The following CIROP variants were observed in gnomAD, a reference collection of about 807,000 sequenced individuals.
CIROP encodes ciliated left-right organizer metallopeptidase.
At chr14:23,104,735 T>C in the CIROP span, 4 of 702,708 alleles carry the variant, frequency 5.7e-6, no homozygotes, top group East Asian at 2.7e-5. Flanking sequence ...TTTGGATTCG[T>C]AGGGGTTGAG....
chr14:23,104,016 G>A, the CIROP span, among the ~76,000 whole-genome samples: 19,796 of 152,128 alleles, frequency 0.13, 1,428 homozygotes, highest in South Asian at 0.21. Flanking sequence ...AATCTACATC[G>A]TTAAGCACAC....
the CIROP span, chr14:23,104,416 A>G: frequency 1.4e-6 from 1 of 702,934 alleles, no homozygotes; most frequent in African/African-American, 1.7e-5. Flanking sequence ...GGGTCTCCCC[A>G]GACAGCGTGG....
chr14:23,104,905 GCA>G, the CIROP span: 433,204 of 669,674 alleles, frequency 0.65, 143,898 homozygotes, highest in Admixed American at 0.7. Context: ...AGCAGCAGCA[GCA>G]GCAGCAGCAG....
chr14:23,101,835 C>T, the CIROP span: 1 of 702,856 alleles, frequency 1.4e-6, no homozygotes, highest in South Asian at 1.5e-5. Flanking sequence ...CCACTCAGCA[C>T]ACACACCTGC....
At chr14:23,102,623 A>G in the CIROP span, 1 of 703,016 alleles carries the variant, frequency 1.4e-6, no homozygotes, top group Non-Finnish European at 2.6e-6. Flanking sequence ...CATTCCTCTC[A>G]TTTACCACTG....
At chr14:23,104,402 A>C in the CIROP span, 1 of 702,976 alleles carries the variant, frequency 1.4e-6, no homozygotes, top group Non-Finnish European at 2.6e-6. Flanking sequence ...AGTTTGGGCT[A>C]TCTGGGTCTC....
At chr14:23,101,211 AGG>A in the CIROP span, 1 of 429,912 alleles carries the variant, frequency 2.3e-6, no homozygotes, top group Non-Finnish European at 4.1e-6. Context: ...ACATCAAAAC[AGG>A]TTGGACAGTA....
the CIROP span, chr14:23,102,012 G>T: frequency 1.4e-6 from 1 of 700,920 alleles, no homozygotes; most frequent in East Asian, 2.7e-5. Flanking sequence ...ATCAGCAACA[G>T]ACACCCCTCC....
the CIROP span, chr14:23,102,444 T>G: frequency 1.4e-6 from 1 of 702,926 alleles, no homozygotes; most frequent in East Asian, 2.7e-5. Flanking sequence ...TTGTCCCCAC[T>G]CATCTTGCCT....
the CIROP span, chr14:23,103,009 C>G: frequency 1.7e-6 from 1 of 574,664 alleles, no homozygotes; most frequent in South Asian, 2.4e-5. Flanking sequence ...GGCCTGTCTT[C>G]TGAGTCCAGC....
the CIROP span, chr14:23,103,961 C>A: frequency 1.7e-6 from 1 of 590,032 alleles, no homozygotes; most frequent in Non-Finnish European, 3.0e-6. Flanking sequence ...CCCCTTCACC[C>A]CCAGTCTCTG....
At chr14:23,099,728 C>T in the CIROP span, 41,079 of 305,536 alleles carry the variant, frequency 0.13, 3,076 homozygotes, top group South Asian at 0.21. Flanking sequence ...CCACGTCTGG[C>T]TAAGGGGCTT....
the CIROP span, chr14:23,099,445 C>T: frequency 2.4e-6 from 1 of 413,426 alleles, no homozygotes; most frequent in East Asian, 3.6e-5. Flanking sequence ...CATGGACAGC[C>T]TTAGGTGGGT....
At chr14:23,103,132 A>G in the CIROP span, 1 of 452,770 alleles carries the variant, frequency 2.2e-6, no homozygotes, top group African/African-American at 2.0e-5. Flanking sequence ...CTGAAAATGG[A>G]GGACCAGGGG....
At chr14:23,099,163 A>G in the CIROP span, 1 of 411,872 alleles carries the variant, frequency 2.4e-6, no homozygotes, top group Non-Finnish European at 4.4e-6. Context: ...TAATATTGAC[A>G]ACCGGGGAAA....
At chr14:23,102,043 G>A in the CIROP span, 3 of 701,516 alleles carry the variant, frequency 4.3e-6, no homozygotes, top group Admixed American at 2.0e-5. Flanking sequence ...TTCCCCCAGA[G>A]CTGACTTGGG....
At chr14:23,103,886 G>A in the CIROP span, 1 of 659,470 alleles carries the variant, frequency 1.5e-6, no homozygotes, top group Non-Finnish European at 2.8e-6. Flanking sequence ...ATGAGGAGTA[G>A]GGGAGAATGA....
chr14:23,100,746 G>C, the CIROP span: 2 of 398,536 alleles, frequency 5.0e-6, no homozygotes, highest in Admixed American at 4.4e-5. Context: ...TCATGAAACA[G>C]ATGCAGGCTT....
At chr14:23,104,823 C>T in the CIROP span, 3 of 702,806 alleles carry the variant, frequency 4.3e-6, no homozygotes, top group South Asian at 4.4e-5. Flanking sequence ...CCTGAGAAGG[C>T]TCACAGACTT....
Sources: gnomAD v4.1 joint callset for allele counts (sites outside exome capture counted in the v4.1 genomes callset) on GRCh38, gnomAD v4.1.1 for gene constraint, MANE v1.5 for transcripts, NCBI Gene and HGNC (gene_info 2026-07-23, HGNC 2026-07-21) for gene names.